SERGEF: variants seen among roughly 807,000 people sequenced by gnomAD.
The protein encoded by SERGEF is secretion-regulating guanine nucleotide exchange factor.
SERGEF carries 51 observed loss-of-function variants against 50.0 expected under a neutral mutation model. That is an observed-to-expected ratio of 1.02 (90% CI 0.81 to 1.29). The LOEUF (loss-of-function observed/expected upper bound fraction) is 1.29, where lower values mean the gene tolerates loss of function less well. Ranked by LOEUF, SERGEF falls within the 50% of genes most tolerant of loss-of-function variation. SERGEF has a pLI of 0.00. For missense variants in SERGEF, 521 were observed against 557.0 expected (o/e 0.94, Z 0.65); for synonymous variants, 205 against 212.4 (o/e 0.97, Z 0.30).
At chr11:17,941,194 T>C (rs1852556878) in intron 9 of SERGEF, among the ~76,000 whole-genome samples, 1 of 152,226 alleles carries the variant, frequency 6.6e-6, no homozygotes, top group African/African-American at 2.4e-5. Context: ...CTGATGAGTC[T>C]TTCCTCCAAT....
intron 10 of SERGEF, among the ~76,000 whole-genome samples, chr11:17,868,062 T>C (rs1158820394): frequency 6.6e-6 from 1 of 152,248 alleles, no homozygotes; most frequent in Admixed American, 6.5e-5. Context: ...CCCTATTGTC[T>C]TGGGGATTAA....
At chr11:17,880,276 C>A (rs1851312562) in intron 9 of SERGEF, among the ~76,000 whole-genome samples, 1 of 152,166 alleles carries the variant, frequency 6.6e-6, no homozygotes, top group South Asian at 2.1e-4. Flanking sequence ...TCACTCAGGA[C>A]CATATATGCA....
At chr11:17,999,199 T>C (rs759873999) in intron 5 of SERGEF, among the ~76,000 whole-genome samples, 8 of 152,190 alleles carry the variant, frequency 5.3e-5, no homozygotes, top group East Asian at 1.9e-4. Flanking sequence ...GAAGTGGTTA[T>C]AGGCAGGTAG....
At chr11:17,902,291 G>C (rs2133921339) in intron 9 of SERGEF, among the ~76,000 whole-genome samples, 1 of 152,258 alleles carries the variant, frequency 6.6e-6, no homozygotes, top group South Asian at 2.1e-4. Flanking sequence ...CAAAAGTTGG[G>C]AGTCTATCAC....
chr11:17,983,314 T>C (rs988966220), intron 8 of SERGEF, among the ~76,000 whole-genome samples: 5 of 152,236 alleles, frequency 3.3e-5, no homozygotes, highest in African/African-American at 4.8e-5. Context: ...TTGTAAGCAC[T>C]GATCTTTCTG....
chr11:17,917,613 C>T (rs1411765453), intron 9 of SERGEF, among the ~76,000 whole-genome samples: 2 of 152,152 alleles, frequency 1.3e-5, no homozygotes, highest in African/African-American at 4.8e-5. Flanking sequence ...TCTCAAGCTC[C>T]ACTCCAGACT....
intron 10 of SERGEF, among the ~76,000 whole-genome samples, chr11:17,801,616 T>C (rs1004781374): frequency 1.3e-5 from 2 of 151,964 alleles, no homozygotes; most frequent in African/African-American, 2.4e-5. Context: ...GGAGGAGAGA[T>C]AGGCTTGGGG....
chr11:17,853,383 C>A (rs560646780), intron 10 of SERGEF, among the ~76,000 whole-genome samples: 24 of 152,164 alleles, frequency 1.6e-4, no homozygotes, highest in Non-Finnish European at 2.8e-4. Flanking sequence ...AGGCACCACA[C>A]CCCCATCTGT....
At chr11:17,990,393 A>G (rs1207493140) in intron 7 of SERGEF, among the ~76,000 whole-genome samples, 1 of 152,218 alleles carries the variant, frequency 6.6e-6, no homozygotes, top group Non-Finnish European at 1.5e-5. Flanking sequence ...GGTGTATTCC[A>G]TTCCCAGAGA....
intron 10 of SERGEF, among the ~76,000 whole-genome samples, chr11:17,821,869 A>G (rs1206129210): frequency 1.3e-5 from 2 of 152,178 alleles, no homozygotes; most frequent in Non-Finnish European, 2.9e-5. Flanking sequence ...CAGCATCCAC[A>G]ACATAGGACA....
intron 6 of SERGEF, among the ~76,000 whole-genome samples, chr11:17,994,501 T>A (rs939358505): frequency 1.5e-5 from 2 of 136,960 alleles, no homozygotes; most frequent in African/African-American, 5.6e-5. Context: ...AAAAAAAAAT[T>A]CTTAGAATTT....
intron 9 of SERGEF, among the ~76,000 whole-genome samples, chr11:17,906,463 G>A (rs746397344): frequency 5.0e-4 from 75 of 150,806 alleles, no homozygotes; most frequent in Non-Finnish European, 9.2e-4. Flanking sequence ...ATGGCCACAG[G>A]AACAATCACC....
chr11:17,905,490 G>A (rs1417296259), intron 9 of SERGEF, among the ~76,000 whole-genome samples: 1 of 152,214 alleles, frequency 6.6e-6, no homozygotes, highest in African/African-American at 2.4e-5. Context: ...ACCAGCACTG[G>A]CTGAACCAGG....
At chr11:18,004,713 C>T (rs536742423) in intron 3 of SERGEF, among the ~76,000 whole-genome samples, 178 bp from the exon 4 acceptor site, 19 of 152,172 alleles carry the variant, frequency 1.2e-4, no homozygotes, top group Admixed American at 3.3e-4. Context: ...AGGTTAAGCA[C>T]TCTACACAGA....
At chr11:17,987,226 C>T (rs768621411) in intron 8 of SERGEF, among the ~76,000 whole-genome samples, 2 of 152,190 alleles carry the variant, frequency 1.3e-5, no homozygotes, top group Non-Finnish European at 2.9e-5. Context: ...TAGCTATCTA[C>T]CCTGCCTTGT....
At chr11:17,941,590 A>T (rs1852563674) in intron 9 of SERGEF, among the ~76,000 whole-genome samples, 1 of 152,216 alleles carries the variant, frequency 6.6e-6, no homozygotes. Flanking sequence ...GGTGCTATGT[A>T]CATGGGTATG....
intron 9 of SERGEF, among the ~76,000 whole-genome samples, chr11:17,948,352 C>G (rs1277616259): frequency 1.3e-5 from 2 of 152,158 alleles, no homozygotes; most frequent in African/African-American, 2.4e-5. Flanking sequence ...GATGCAAAAT[C>G]TGAGACTCAG....
chr11:17,834,597 CT>C (rs2133856923), intron 10 of SERGEF, among the ~76,000 whole-genome samples: 1 of 152,336 alleles, frequency 6.6e-6, no homozygotes, highest in East Asian at 1.9e-4. Flanking sequence ...AGGAGGCCCT[CT>C]GTGATGATCT....
chr11:17,897,973 C>T (rs1202120426), intron 9 of SERGEF, among the ~76,000 whole-genome samples: 3 of 152,200 alleles, frequency 2.0e-5, no homozygotes, highest in South Asian at 4.1e-4. Flanking sequence ...AAAATACATT[C>T]CAGAAGGGAA....
Sources: gnomAD v4.1 joint callset for allele counts (sites outside exome capture counted in the v4.1 genomes callset) on GRCh38, gnomAD v4.1.1 for gene constraint, MANE v1.5 for transcripts, NCBI Gene and HGNC (gene_info 2026-07-23, HGNC 2026-07-21) for gene names.